GLG1: variants seen among roughly 807,000 people sequenced by gnomAD.
The protein encoded by GLG1 is golgi glycoprotein 1, also known as Golgi apparatus protein 1.
In GLG1, 38 loss-of-function variants were observed where a neutral mutation model predicts 160.5. That is an observed-to-expected ratio of 0.24 (90% CI 0.18 to 0.31). The LOEUF (loss-of-function observed/expected upper bound fraction) is 0.31, where lower values mean the gene tolerates loss of function less well. Ranked by LOEUF, GLG1 falls within the 10% of genes least tolerant of loss-of-function variation. The probability of loss-of-function intolerance (pLI) is 1.00; values close to 1 mark genes in which losing one functional copy is unlikely to be tolerated. For synonymous variants in GLG1, 644 were observed against 543.4 expected (o/e 1.19, Z -2.57); for missense variants, 1,373 against 1,505.2 (o/e 0.91, Z 1.45).
At chr16:74,564,276 T>C (rs1675550832) in intron 1 of GLG1, among the ~76,000 whole-genome samples, 2 of 152,120 alleles carry the variant, frequency 1.3e-5, no homozygotes, top group African/African-American at 2.4e-5. Flanking sequence ...AGAGATTCAG[T>C]TGTAGGGGAT....
chr16:74,579,539 T>C lies in GLG1; in HGVS notation c.438+27118A>G, dbSNP rs1044800501. Among the ~76,000 whole-genome samples, 6 of 150,288 alleles carry C rather than the reference T, an allele frequency of 4.0e-5. No homozygotes were observed. The East Asian group carries it at 5.9e-4, about 15-fold the overall frequency. ...GAGTTCGAGACCAGCCTGGCCAACATGGCAAAACCCCATCACTACTAAAAA... is the reference window on the plus strand; with the variant it reads ...GAGTTCGAGACCAGCCTGGCCAACACGGCAAAACCCCATCACTACTAAAAA... On this transcript the variant is annotated intron_variant, in intron 1 of 25. Transcript: ENST00000422840.
Position 74,579,295 on chromosome 16 carries a change from G to C in GLG1, c.438+27362C>G, listed in dbSNP as rs117712267. 8.1e-3 allele frequency among the ~76,000 whole-genome samples: 1,236 copies of C among 152,222 alleles called. 3 individuals carry two copies. The highest frequency in any genetic ancestry group is 0.014 in the Non-Finnish European group (922 of 68,004). On this transcript the variant is annotated intron_variant, in intron 1 of 25. Transcript: ENST00000422840. ...GTGGTGGCATGCGCCTGTAGTCCCA[G>C]CTCCTGGGGTGGTGGAGGCTGAGAC...
At chr16:74,455,497 G>C (rs28484753) in intron 25 of GLG1, among the ~76,000 whole-genome samples, 53,787 of 152,146 alleles carry the variant, frequency 0.35, 10,280 homozygotes, top group African/African-American at 0.51. Context: ...CTGAGCCACC[G>C]GCTTTAAAGG....
Position 74,451,922 on chromosome 16 carries a change from C to T in GLG1, c.*1245G>A, listed in dbSNP as rs1347433522. 1.2e-5 allele frequency: 8 copies of T among 690,260 alleles called. No homozygotes were observed. Among genetic ancestry groups the T allele is most frequent in the East Asian group, 2.6e-5 (1 of 37,856 alleles). The allele number at this position is 690,260 out of a possible 1,614,324, so 42.8% of individuals were successfully genotyped here. The stretch of plus-strand genomic sequence containing the variant: ...TAGCCAATGCCTACTAGAGTGGGTA[C>T]ACGCAGCAAATGGACAGAAAGAAAA... On this transcript the variant is annotated 3_prime_UTR_variant, in exon 26 of 26. Coordinates refer to ENST00000422840, the MANE Select transcript of GLG1 (RefSeq NM_001145667.2).
intron 1 of GLG1, among the ~76,000 whole-genome samples, chr16:74,555,975 G>C (rs2018341727): frequency 6.6e-6 from 1 of 151,970 alleles, no homozygotes; most frequent in African/African-American, 2.4e-5. Flanking sequence ...GAATCCCTGG[G>C]ACTACAGGCA....
intron 1 of GLG1, among the ~76,000 whole-genome samples, chr16:74,588,591 G>T (rs537990472): frequency 6.6e-6 from 1 of 151,896 alleles, no homozygotes; most frequent in South Asian, 2.1e-4. Flanking sequence ...ACTAATTTTT[G>T]TATGTTTTGT....
intron 22 of GLG1, among the ~76,000 whole-genome samples, chr16:74,461,270 C>T (rs1246263906): frequency 1.4e-5 from 2 of 147,668 alleles, no homozygotes; most frequent in African/African-American, 5.0e-5. Context: ...TGGGTTCATG[C>T]CATTCTCCTG....
At chr16:74,596,739 G>T (rs184021787) in intron 1 of GLG1, among the ~76,000 whole-genome samples, 1 of 152,160 alleles carries the variant, frequency 6.6e-6, no homozygotes, top group Non-Finnish European at 1.5e-5. Context: ...CACACAGCTG[G>T]ACTGACTTGT....
At chr16:74,482,523 C>A in intron 10 of GLG1, among the ~76,000 whole-genome samples, 1 of 152,104 alleles carries the variant, frequency 6.6e-6, no homozygotes, top group Middle Eastern at 3.2e-3. Context: ...CTCCCACCCC[C>A]ACCGCTTTTT....
At position 74,453,334 on chromosome 16, in the gene GLG1, C is replaced by A. The variant is rs1197092447; in HGVS notation, c.3373G>T (p.Val1125Leu). Reference protein sequence around the residue: ...RIEMWSYAAKVAPADGFSDLA... With the variant: ...RIEMWSYAAKLAPADGFSDLA... ...TCAGAGAAGCCATCTGCTGGGGCCA[C>A]CTAGAATGACACAAGGCAATGTGAT... The change falls in exon 26 of 26, where the codon GTG becomes TTG. Residue 1125 changes from valine (V) to leucine (L), a missense_variant and splice_region_variant. This residue lies in a region of GLG1 where 491 missense variants were observed against 632.1 expected (regional missense o/e 0.78). Transcript: ENST00000422840. The A allele has an allele frequency of 6.2e-7, 1 of 1,607,308 alleles. No individual in the cohort carries two copies. The highest frequency in any genetic ancestry group is 1.7e-5 in the Admixed American group (1 of 59,962).
intron 1 of GLG1, among the ~76,000 whole-genome samples, chr16:74,541,575 TG>T (rs1295070205): frequency 2.0e-5 from 3 of 152,222 alleles, no homozygotes; most frequent in Admixed American, 1.3e-4. Flanking sequence ...ACCTACCTCA[TG>T]GGGCTATTAT....
At chr16:74,463,245 C>T (rs2014870295) in intron 20 of GLG1, 111 bp downstream of exon 20, 1 of 1,080,376 alleles carries the variant, frequency 9.3e-7, no homozygotes. Context: ...AGACTCCTCC[C>T]TTAAAATTCC....
At chr16:74,543,201 A>G (rs2017952106) in intron 1 of GLG1, among the ~76,000 whole-genome samples, 1 of 152,212 alleles carries the variant, frequency 6.6e-6, no homozygotes, top group South Asian at 2.1e-4. Context: ...CAGGAAGTGG[A>G]CTTCCATCTG....
intron 1 of GLG1, among the ~76,000 whole-genome samples, chr16:74,577,070 T>A (rs1184134100): frequency 6.6e-6 from 1 of 152,164 alleles, no homozygotes; most frequent in East Asian, 1.9e-4. Context: ...CATAGGTGCA[T>A]GCCACCATGC....
At chr16:74,570,908 C>CA (rs1482952546) in intron 1 of GLG1, among the ~76,000 whole-genome samples, 1 of 151,608 alleles carries the variant, frequency 6.6e-6, no homozygotes, top group Admixed American at 6.6e-5. Flanking sequence ...GCTGGCCCCT[C>CA]AAAAAACAGA....
chr16:74,583,520 CA>C (rs771657432), intron 1 of GLG1, among the ~76,000 whole-genome samples: 4 of 152,188 alleles, frequency 2.6e-5, no homozygotes, highest in Non-Finnish European at 5.9e-5. Context: ...GCTGGGATTA[CA>C]GGCGCACGCC....
chr16:74,463,386 T>C lies in GLG1; in HGVS notation c.2761A>G (p.Ile921Val). 1 of 1,614,154 alleles carries C rather than the reference T, an allele frequency of 6.2e-7. No individual in the cohort carries two copies. Among genetic ancestry groups the C allele is most frequent in the African/African-American group, 1.3e-5 (1 of 75,054 alleles). ...ELMDPKCKQM[I>V]TKRQITQNTD... ...TTCTGGGTGATCTGGCGCTTGGTTA[T>C]CATCTGTTTGCATTTGGGATCCATC... The change falls in exon 20 of 26, where the codon ATA becomes GTA. Residue 921 changes from isoleucine (I) to valine (V), a missense_variant. Ile to Val is a conservative substitution (Grantham distance 29). Coordinates refer to ENST00000422840, the MANE Select transcript of GLG1 (RefSeq NM_001145667.2).
Position 74,463,349 on chromosome 16 carries a change from A to C in GLG1, c.2791+7T>G. The C allele has an allele frequency of 1.2e-6, 2 of 1,613,966 alleles. No individual in the cohort carries two copies. The highest frequency in any genetic ancestry group is 8.5e-7 in the Non-Finnish European group (1 of 1,179,936). On this transcript the variant is annotated splice_region_variant and intron_variant, in intron 20 of 25. Coordinates refer to ENST00000422840, the MANE Select transcript of GLG1 (RefSeq NM_001145667.2). The stretch of plus-strand genomic sequence containing the variant: ...ACGGGGCCAGGAGAGCCAAGCCAAG[A>C]TCTTACCTGTGTTCTGGGTGATCTG...
At chr16:74,563,316 A>C (rs116515482) in intron 1 of GLG1, 76 of 152,346 alleles carry the variant, frequency 5.0e-4, no homozygotes, top group African/African-American at 1.8e-3. Flanking sequence ...CACTCCTTTT[A>C]ACCTACATCA....
Sources: gnomAD v4.1 joint callset for allele counts (sites outside exome capture counted in the v4.1 genomes callset) on GRCh38, gnomAD v4.1.1 for gene constraint, gnomAD v4.1.1 regional missense constraint, MANE v1.5 for transcripts, NCBI Gene and HGNC (gene_info 2026-07-23, HGNC 2026-07-21) for gene names.